Variants in PFDN1 observed in about 807,000 individuals in gnomAD.
PFDN1 encodes prefoldin subunit 1.
Under a neutral mutation model 17.3 loss-of-function variants are expected in PFDN1, and 6 were observed. The observed-to-expected ratio is 0.35, with a 90% CI of 0.19 to 0.69. The LOEUF (loss-of-function observed/expected upper bound fraction) is 0.69. Ranked by LOEUF, PFDN1 falls within the 30% of genes least tolerant of loss-of-function variation. PFDN1 has a pLI of 0.65. For synonymous variants in PFDN1, 58 were observed against 50.1 expected (o/e 1.16, Z -0.67); for missense variants, 113 against 146.2 (o/e 0.77, Z 1.17).
At chr5:140,294,231 T>C (rs1765620890) in intron 2 of PFDN1, among the ~76,000 whole-genome samples, 2 of 152,056 alleles carry the variant, frequency 1.3e-5, no homozygotes, top group African/African-American at 4.8e-5. Context: ...AATATCCAAA[T>C]TTGATTCTGC....
chr5:140,271,463 C>T (rs1224905929), intron 3 of PFDN1, among the ~76,000 whole-genome samples: 1 of 152,164 alleles, frequency 6.6e-6, no homozygotes, highest in East Asian at 1.9e-4. Flanking sequence ...ATTAATTTTA[C>T]ATCTTGCATT....
At chr5:140,253,639 C>G (rs901582351) in intron 3 of PFDN1, among the ~76,000 whole-genome samples, 9 of 152,182 alleles carry the variant, frequency 5.9e-5, no homozygotes, top group African/African-American at 1.9e-4. Context: ...TGGTGCTGAT[C>G]AAGCCTCAGC....
chr5:140,258,398 C>T (rs1404912225), intron 3 of PFDN1, among the ~76,000 whole-genome samples: 1 of 149,750 alleles, frequency 6.7e-6, no homozygotes, highest in Non-Finnish European at 1.5e-5. Context: ...TCCGGTTACC[C>T]CAGTGAATTG....
intron 2 of PFDN1, among the ~76,000 whole-genome samples, chr5:140,286,804 C>T (rs1412379486): frequency 2.0e-5 from 3 of 151,942 alleles, no homozygotes; most frequent in African/African-American, 7.3e-5. Context: ...AGGAGTTTAC[C>T]ATGTTGTCCA....
At chr5:140,284,766 G>A (rs1038932907) in intron 2 of PFDN1, among the ~76,000 whole-genome samples, 3 of 152,206 alleles carry the variant, frequency 2.0e-5, no homozygotes, top group Non-Finnish European at 4.4e-5. Context: ...ACCTGAATTC[G>A]AGTTGATGCT....
intron 3 of PFDN1, among the ~76,000 whole-genome samples, chr5:140,276,556 G>A (rs1310188623): frequency 6.6e-6 from 1 of 152,032 alleles, no homozygotes; most frequent in Admixed American, 6.6e-5. Context: ...AGAGGTGGGT[G>A]GATCATCTGA....
chr5:140,259,100 G>T (rs1204739666), intron 3 of PFDN1, among the ~76,000 whole-genome samples: 1 of 152,104 alleles, frequency 6.6e-6, no homozygotes, highest in Non-Finnish European at 1.5e-5. Context: ...AAAAGAATGA[G>T]GTCACTAAAA....
rs372866957 is a variant in PFDN1, at chr5:140,254,439, G to A, written c.286-8382C>T. ...TAAACCCTGGTCCTTGAAGTTCATG[G>A]CATCATGCTTAGCCACCGGACTCCC... On this transcript the variant is annotated intron_variant, in intron 3 of 3. Transcript: ENST00000261813. This position sits in a 1 kb window ranked among gnomAD's most constrained non-coding sequence, Gnocchi z 4.4. Among the ~76,000 whole-genome samples, 4 of 152,046 alleles carry A rather than the reference G, an allele frequency of 2.6e-5. No homozygotes were observed. The highest frequency in any genetic ancestry group is 2.1e-4 in the South Asian group (1 of 4,808).
intron 3 of PFDN1, among the ~76,000 whole-genome samples, chr5:140,258,793 A>C (rs1158717120): frequency 6.6e-6 from 1 of 152,194 alleles, no homozygotes; most frequent in Non-Finnish European, 1.5e-5. Flanking sequence ...GGAAGGGAAG[A>C]TTCTGAGCTT....
intron 2 of PFDN1, 186 bp from the exon 3 acceptor site, chr5:140,281,719 A>C: frequency 1.8e-6 from 1 of 544,244 alleles, no homozygotes; most frequent in African/African-American, 1.9e-5. Flanking sequence ...TAAAGGCTTA[A>C]AAGTAGATTC....
chr5:140,288,732 C>T (rs1765535240), intron 2 of PFDN1, among the ~76,000 whole-genome samples: 1 of 152,152 alleles, frequency 6.6e-6, no homozygotes, highest in East Asian at 1.9e-4. Context: ...TGCCTGTAAT[C>T]CCAGCACTTG....
Position 140,286,413 on chromosome 5 carries a change from A to C in PFDN1, c.201-4880T>G, listed in dbSNP as rs1179244556. On this transcript the variant is annotated intron_variant, in intron 2 of 3. Coordinates refer to ENST00000261813, the MANE Select transcript of PFDN1 (RefSeq NM_002622.5). ...GGTGACAGAGTGAGACTCTGTCTCA[A>C]AAAAAAAAAAAAAAAAGAAAAGAAA... 2.3e-3 allele frequency among the ~76,000 whole-genome samples: 24 copies of C among 10,640 alleles called. No homozygotes were observed. In the South Asian group the frequency reaches 0.036, roughly 16 times the overall value. The allele number at this position is 10,640 out of a possible 152,430, so 7.0% of individuals were successfully genotyped here. A position where few individuals can be genotyped will look rare whatever the true frequency, so the allele number is the denominator to read the frequency against.
chr5:140,274,111 T>C (rs544767562), intron 3 of PFDN1, among the ~76,000 whole-genome samples: 1 of 152,322 alleles, frequency 6.6e-6, no homozygotes, highest in African/African-American at 2.4e-5. Context: ...GGCCCATTAA[T>C]TATTTCCTGC....
intron 2 of PFDN1, 80 bp downstream of exon 2, chr5:140,300,334 CAA>C (rs1300654426): frequency 8.8e-7 from 1 of 1,135,550 alleles, no homozygotes; most frequent in Non-Finnish European, 1.3e-6. Flanking sequence ...TGGCCTAACC[CAA>C]GTTTTAAGAT....
chr5:140,273,684 G>C (rs1765246667), intron 3 of PFDN1, among the ~76,000 whole-genome samples: 1 of 152,022 alleles, frequency 6.6e-6, no homozygotes, highest in Non-Finnish European at 1.5e-5. Context: ...TATGATATGG[G>C]CTGGGGAGTT....
chr5:140,287,082 C>A (rs1193912616), intron 2 of PFDN1, among the ~76,000 whole-genome samples: 1 of 152,140 alleles, frequency 6.6e-6, no homozygotes, highest in Non-Finnish European at 1.5e-5. Flanking sequence ...TATATGTATA[C>A]AAATAATCCA....
At chr5:140,298,279 G>A (rs1005179150) in intron 2 of PFDN1, among the ~76,000 whole-genome samples, 1 of 152,044 alleles carries the variant, frequency 6.6e-6, no homozygotes, top group Non-Finnish European at 1.5e-5. Context: ...TTCTCATGAT[G>A]TCATTCCAAA....
chr5:140,275,497 C>T, intron 3 of PFDN1, among the ~76,000 whole-genome samples: 1 of 151,804 alleles, frequency 6.6e-6, no homozygotes, highest in South Asian at 2.1e-4. Context: ...GCAAGTAGTA[C>T]CCCCACCCCT....
chr5:140,257,171 C>T (rs1465959444), intron 3 of PFDN1, among the ~76,000 whole-genome samples: 1 of 150,264 alleles, frequency 6.7e-6, no homozygotes, highest in African/African-American at 2.5e-5. Context: ...TGCAGTGAGC[C>T]GAGATCACGC....
Sources: gnomAD v4.1 joint callset for allele counts (sites outside exome capture counted in the v4.1 genomes callset) on GRCh38, gnomAD v4.1.1 for gene constraint, Gnocchi (gnomAD v3.1) non-coding constraint, MANE v1.5 for transcripts, NCBI Gene and HGNC (gene_info 2026-07-23, HGNC 2026-07-21) for gene names.